The following CSMD1 variants were observed in gnomAD, a reference collection of about 807,000 sequenced individuals.
CSMD1 encodes the protein CUB and sushi domain-containing protein 1.
In CSMD1, 213 loss-of-function variants were observed where a neutral mutation model predicts 417.5. That is an observed-to-expected ratio of 0.51 (90% CI 0.46 to 0.57). The LOEUF (loss-of-function observed/expected upper bound fraction) is 0.57, where lower values mean the gene tolerates loss of function less well. CSMD1 is among the 20% of genes least tolerant of loss of function. CSMD1 has a pLI of 0.00. For missense variants in CSMD1, 6,923 were observed against 4,529.7 expected, an observed-to-expected ratio of 1.53 and a Z score of -15.17; for synonymous variants, 2,862 against 1,736.8, an observed-to-expected ratio of 1.65 and a Z score of -16.11.
intron 38 of CSMD1, among the ~76,000 whole-genome samples, chr8:3,161,560 T>C (rs10086391): frequency 0.091 from 12,842 of 141,326 alleles, 570 homozygotes; most frequent in Middle Eastern, 0.14. Flanking sequence ...GAGCTTGCAG[T>C]GAGCCAAGAT....
chr8:3,961,074 T>C (rs1401951125), intron 5 of CSMD1, among the ~76,000 whole-genome samples: 3 of 152,076 alleles, frequency 2.0e-5, no homozygotes, highest in Non-Finnish European at 2.9e-5. Context: ...AAATTGAACA[T>C]GAACAAACTC....
At chr8:4,757,409 T>C (rs917019936) in intron 1 of CSMD1, among the ~76,000 whole-genome samples, 11 of 152,298 alleles carry the variant, frequency 7.2e-5, no homozygotes, top group African/African-American at 2.4e-4. Context: ...ATCTATACAA[T>C]AGTCACCAAT....
chr8:3,559,425 C>A (rs1428771838), intron 10 of CSMD1, among the ~76,000 whole-genome samples: 2 of 152,040 alleles, frequency 1.3e-5, no homozygotes, highest in East Asian at 3.9e-4. Context: ...GGAATATACG[C>A]AACATATTGT....
chr8:3,165,449 T>C (rs936797903), intron 37 of CSMD1, among the ~76,000 whole-genome samples: 2 of 152,036 alleles, frequency 1.3e-5, no homozygotes, highest in Non-Finnish European at 2.9e-5. Flanking sequence ...TATTTATTTT[T>C]GAGACAGAGT....
At chr8:4,917,529 G>A (rs1423787889) in intron 1 of CSMD1, among the ~76,000 whole-genome samples, 1 of 152,216 alleles carries the variant, frequency 6.6e-6, no homozygotes, top group Non-Finnish European at 1.5e-5. Context: ...AGCTACTCGG[G>A]AAGCTGAAGC....
intron 26 of CSMD1, among the ~76,000 whole-genome samples, chr8:3,256,720 C>A (rs1405849700): frequency 6.6e-6 from 1 of 152,190 alleles, no homozygotes; most frequent in Non-Finnish European, 1.5e-5. Context: ...AGAAAGTCCA[C>A]CTTTGATGTC....
chr8:3,160,126 C>A lies in CSMD1; in HGVS notation c.5844+2033G>T, dbSNP rs570325351. On this transcript the variant is annotated intron_variant, in intron 38 of 69. Transcript: ENST00000635120. ...TTGAGATATGAAAGACAATTCTTTT[C>A]TTTTTTTCTTTTTTTAAGATAGGGT... 1.9e-4 allele frequency among the ~76,000 whole-genome samples: 29 copies of A among 152,108 alleles called. 1 individual carries two copies. Among genetic ancestry groups the A allele is most frequent in the African/African-American group, 6.5e-4 (27 of 41,488 alleles).
intron 1 of CSMD1, among the ~76,000 whole-genome samples, chr8:4,661,968 C>T (rs1804635813): frequency 1.3e-5 from 2 of 152,042 alleles, no homozygotes; most frequent in African/African-American, 4.8e-5. Context: ...AGAGTTATTA[C>T]AACATATTCA....
intron 37 of CSMD1, among the ~76,000 whole-genome samples, chr8:3,173,143 T>C (rs1820686291): frequency 6.6e-6 from 1 of 152,192 alleles, no homozygotes; most frequent in Admixed American, 6.5e-5. Context: ...ACGTAATTTA[T>C]TTGGCACCTG....
At chr8:4,821,989 T>A (rs770395588) in intron 1 of CSMD1, among the ~76,000 whole-genome samples, 69 of 152,158 alleles carry the variant, frequency 4.5e-4, no homozygotes, top group Middle Eastern at 6.8e-3. Flanking sequence ...ATAAAGTTCC[T>A]CTGTAATGCA....
intron 37 of CSMD1, among the ~76,000 whole-genome samples, chr8:3,173,990 G>C (rs1281938001): frequency 6.6e-6 from 1 of 152,120 alleles, no homozygotes; most frequent in Non-Finnish European, 1.5e-5. Context: ...TCCTCATTTA[G>C]ATACTTCCTT....
intron 11 of CSMD1, among the ~76,000 whole-genome samples, chr8:3,469,881 T>G (rs535747387): frequency 6.6e-6 from 1 of 152,352 alleles, no homozygotes; most frequent in South Asian, 2.1e-4. Flanking sequence ...TAAATATGTA[T>G]TTCTTTCTGA....
chr8:3,686,594 G>A (rs1041406076), intron 7 of CSMD1, among the ~76,000 whole-genome samples: 1 of 152,188 alleles, frequency 6.6e-6, no homozygotes, highest in African/African-American at 2.4e-5. Flanking sequence ...GGGAAGCAGT[G>A]TTCTTATCAT....
chr8:3,264,578 A>G (rs1450829038), intron 26 of CSMD1, among the ~76,000 whole-genome samples: 1 of 152,200 alleles, frequency 6.6e-6, no homozygotes, highest in Non-Finnish European at 1.5e-5. Context: ...AACAGAGAAT[A>G]AATATTAACA....
At chr8:3,356,532 G>A (rs1263409657) in intron 21 of CSMD1, among the ~76,000 whole-genome samples, 2 of 152,104 alleles carry the variant, frequency 1.3e-5, no homozygotes, top group African/African-American at 2.4e-5. Context: ...AAAATTAGCC[G>A]GGCGTGGTGG....
chr8:3,492,166 G>C (rs1026715059), intron 11 of CSMD1, among the ~76,000 whole-genome samples: 15 of 152,116 alleles, frequency 9.9e-5, no homozygotes, highest in Admixed American at 9.2e-4. Flanking sequence ...GGTGGGCGTG[G>C]GTTTCAGGAG....
At chr8:3,529,227 G>A (rs1368630195) in intron 10 of CSMD1, among the ~76,000 whole-genome samples, 1 of 152,196 alleles carries the variant, frequency 6.6e-6, no homozygotes, top group African/African-American at 2.4e-5. Context: ...TTATTAAAAT[G>A]CAAAATGCCA....
chr8:3,386,502 A>G (rs1216592320), intron 18 of CSMD1, among the ~76,000 whole-genome samples: 1 of 152,196 alleles, frequency 6.6e-6, no homozygotes, highest in African/African-American at 2.4e-5. Context: ...TGCTTTGGTG[A>G]CAAAGGTCAA....
At chr8:4,482,393 G>C (rs768990784) in intron 2 of CSMD1, among the ~76,000 whole-genome samples, 2 of 152,120 alleles carry the variant, frequency 1.3e-5, no homozygotes, top group Non-Finnish European at 2.9e-5. Flanking sequence ...ATGGCCTCCA[G>C]CTCCATCCAT....
Sources: gnomAD v4.1 joint callset for allele counts (sites outside exome capture counted in the v4.1 genomes callset) on GRCh38, gnomAD v4.1.1 for gene constraint, MANE v1.5 for transcripts, NCBI Gene and HGNC (gene_info 2026-07-23, HGNC 2026-07-21) for gene names.